Variants in SOX5 observed in about 807,000 individuals in gnomAD.
The protein encoded by SOX5 is transcription factor SOX-5.
A neutral mutation model predicts 92.0 loss-of-function variants in SOX5; 9 were observed. The ratio of observed to expected loss-of-function variants is 0.10; its 90% CI spans 0.06 to 0.17. The LOEUF (loss-of-function observed/expected upper bound fraction) is 0.17. SOX5 is among the 10% of genes least tolerant of loss of function. The pLI is 1.00. For missense variants in SOX5, 642 were observed against 944.5 expected (o/e 0.68, Z 4.20); for synonymous variants, 344 against 336.3 (o/e 1.02, Z -0.25).
chr12:24,298,331 A>G lies in SOX5; in HGVS notation c.-173-21019T>C, dbSNP rs868513341. On this transcript the variant is annotated intron_variant, in intron 2 of 4. Transcript: ENST00000446891. ...TGATCCACCTACCTCGGTCTCCCAA[A>G]GTGCTGGGATTACAGGCGTGAGCCA... Among the ~76,000 whole-genome samples the G allele has an allele frequency of 3.9e-5, 6 of 152,222 alleles. No individual in the cohort carries two copies. In the South Asian group the frequency reaches 1.2e-3, roughly 32 times the overall value.
chr12:24,525,038 C>T (rs1174642568), intron 1 of SOX5, among the ~76,000 whole-genome samples: 1 of 152,190 alleles, frequency 6.6e-6, no homozygotes, highest in Non-Finnish European at 1.5e-5. Context: ...AGTAGTTGCA[C>T]TTCTGGGTAT....
chr12:23,859,926 A>C (rs2096736034), intron 2 of SOX5, among the ~76,000 whole-genome samples: 1 of 152,236 alleles, frequency 6.6e-6, no homozygotes, highest in South Asian at 2.1e-4. Flanking sequence ...CTGGATAAAG[A>C]AAATGTGGCA....
At chr12:23,838,802 T>C (rs1455489718) in intron 3 of SOX5, among the ~76,000 whole-genome samples, 1 of 146,346 alleles carries the variant, frequency 6.8e-6, no homozygotes, top group African/African-American at 2.5e-5. Flanking sequence ...TTGTTCTTAC[T>C]AGATATTACC....
chr12:24,546,181 G>A (rs1223948265), intron 1 of SOX5, among the ~76,000 whole-genome samples: 3 of 152,174 alleles, frequency 2.0e-5, no homozygotes, highest in African/African-American at 7.2e-5. Flanking sequence ...GTGTTTCTGT[G>A]CTTGTGTGTG....
chr12:24,232,579 G>C (rs1019104297), intron 3 of SOX5, among the ~76,000 whole-genome samples: 1 of 152,194 alleles, frequency 6.6e-6, no homozygotes, highest in African/African-American at 2.4e-5. Flanking sequence ...CCCAGGACAG[G>C]AAGGCAGGCC....
chr12:23,613,148 C>T (rs921771539), intron 8 of SOX5, among the ~76,000 whole-genome samples: 1 of 152,050 alleles, frequency 6.6e-6, no homozygotes, highest in Non-Finnish European at 1.5e-5. Context: ...AATACCAGGA[C>T]AGAAGTACAG....
chr12:24,488,252 C>T (rs759351595), intron 1 of SOX5, among the ~76,000 whole-genome samples: 1 of 152,068 alleles, frequency 6.6e-6, no homozygotes, highest in Non-Finnish European at 1.5e-5. Context: ...CCATGAGTTG[C>T]CAGGTTCCCA....
intron 2 of SOX5, among the ~76,000 whole-genome samples, chr12:24,325,875 C>A (rs1950628271): frequency 6.6e-6 from 1 of 152,118 alleles, no homozygotes; most frequent in South Asian, 2.1e-4. Context: ...TAATACTATC[C>A]ATACTAGGGG....
chr12:24,200,823 C>T (rs1957445066), intron 4 of SOX5, among the ~76,000 whole-genome samples: 1 of 152,208 alleles, frequency 6.6e-6, no homozygotes, highest in African/African-American at 2.4e-5. Flanking sequence ...TTCTACCATA[C>T]TTCCTAATTC....
chr12:23,605,291 C>T (rs992151283), intron 8 of SOX5, among the ~76,000 whole-genome samples: 4 of 151,596 alleles, frequency 2.6e-5, no homozygotes, highest in Admixed American at 6.6e-5. Context: ...TAATGATAGC[C>T]GTATGATGTA....
chr12:23,905,140 A>C (rs998628475), intron 1 of SOX5, among the ~76,000 whole-genome samples: 1 of 152,232 alleles, frequency 6.6e-6, no homozygotes, highest in African/African-American at 2.4e-5. Context: ...GAAATAATGT[A>C]CCTAAAGTGA....
intron 1 of SOX5, among the ~76,000 whole-genome samples, chr12:24,394,415 G>T (rs534507221): frequency 2.0e-5 from 3 of 152,212 alleles, no homozygotes; most frequent in Admixed American, 1.3e-4. Context: ...GAGCCCGGCC[G>T]CCACTGATGT....
intron 1 of SOX5, among the ~76,000 whole-genome samples, chr12:24,476,174 C>T (rs11047470): frequency 6.6e-6 from 1 of 151,966 alleles, no homozygotes; most frequent in Non-Finnish European, 1.5e-5. Flanking sequence ...GCATCTAAGA[C>T]TAAGAAATAG....
chr12:24,156,708 A>G (rs1952210661), intron 4 of SOX5, among the ~76,000 whole-genome samples: 1 of 152,182 alleles, frequency 6.6e-6, no homozygotes, highest in Non-Finnish European at 1.5e-5. Flanking sequence ...AGATACAACA[A>G]TTAATGAGTT....
intron 2 of SOX5, among the ~76,000 whole-genome samples, chr12:23,868,112 C>T (rs926564476): frequency 2.6e-5 from 4 of 151,786 alleles, no homozygotes; most frequent in Non-Finnish European, 5.9e-5. Flanking sequence ...TTCTTCCCTG[C>T]CTTCCACTTT....
intron 4 of SOX5, among the ~76,000 whole-genome samples, chr12:23,750,473 C>G (rs1225960151): frequency 6.6e-6 from 1 of 151,808 alleles, no homozygotes; most frequent in Non-Finnish European, 1.5e-5. Context: ...CCATGCTTTC[C>G]TAGTAAATTT....
chr12:23,572,141 C>T (rs1232122844), intron 10 of SOX5, among the ~76,000 whole-genome samples: 1 of 152,064 alleles, frequency 6.6e-6, no homozygotes, highest in Non-Finnish European at 1.5e-5. Context: ...TATTGGTCAC[C>T]AACCTCAAAA....
At chr12:24,078,036 A>G (rs993842887) in intron 4 of SOX5, among the ~76,000 whole-genome samples, 1 of 151,688 alleles carries the variant, frequency 6.6e-6, no homozygotes, top group Non-Finnish European at 1.5e-5. Flanking sequence ...TTTAAAAAGC[A>G]TAACTTTTAC....
chr12:23,813,056 A>ACCATT (rs1313022761), intron 3 of SOX5, among the ~76,000 whole-genome samples: 1 of 152,162 alleles, frequency 6.6e-6, no homozygotes, highest in East Asian at 1.9e-4. Context: ...GTATTTCTAA[A>ACCATT]CCATTCCATT....
Sources: allele counts gnomAD v4.1 joint callset (sites outside exome capture counted in the v4.1 genomes callset), GRCh38; gene constraint gnomAD v4.1.1; transcripts MANE v1.5; gene names NCBI Gene and HGNC (gene_info 2026-07-23, HGNC 2026-07-21).